Variants in AAK1 observed in about 807,000 individuals in gnomAD.
AAK1 encodes the protein AP2-associated protein kinase 1.
AAK1 carries 37 observed loss-of-function variants against 116.0 expected under a neutral mutation model. That is an observed-to-expected ratio of 0.32 (90% CI 0.25 to 0.42). The LOEUF (loss-of-function observed/expected upper bound fraction) is 0.42. Ranked by LOEUF, AAK1 falls within the 10% of genes least tolerant of loss-of-function variation. The pLI, the probability that AAK1 is intolerant of heterozygous loss-of-function variation, is 1.00. For synonymous variants in AAK1, 458 were observed against 439.9 expected (o/e 1.04, Z -0.51); for missense variants, 919 against 1,170.6 (o/e 0.79, Z 3.14).
chr2:69,567,667 A>T (rs1237384686), intron 2 of AAK1, among the ~76,000 whole-genome samples: 1 of 152,186 alleles, frequency 6.6e-6, no homozygotes, highest in East Asian at 1.9e-4. Flanking sequence ...ACATATATTA[A>T]GAGAACATCC....
At chr2:69,507,100 T>A (rs953114684) in intron 15 of AAK1, among the ~76,000 whole-genome samples, 1 of 152,152 alleles carries the variant, frequency 6.6e-6, no homozygotes, top group Non-Finnish European at 1.5e-5. Context: ...ATCACACTCC[T>A]CCAAGGAGGG....
At chr2:69,604,059 G>A (rs1034899189) in intron 2 of AAK1, among the ~76,000 whole-genome samples, 4 of 152,214 alleles carry the variant, frequency 2.6e-5, no homozygotes, top group Non-Finnish European at 5.9e-5. Flanking sequence ...TAGTTAGAGA[G>A]TCTGATCTCA....
rs906346950 is a variant in AAK1, at chr2:69,469,671, A to G, written c.*6198T>C. 6 of 985,364 alleles carry G rather than the reference A, an allele frequency of 6.1e-6. No individual in the cohort carries two copies. The highest frequency in any genetic ancestry group is 7.2e-6 in the Non-Finnish European group (6 of 829,952). 61.0% of individuals were successfully genotyped at this position (985,364 alleles called of 1,614,324 possible). ...CCCAGGGCCTGGCTTCATAGTCTGC[A>G]CAGGGTCTTACTTATCATAGAGCCT... On this transcript the variant is annotated 3_prime_UTR_variant, in exon 22 of 22. Coordinates refer to ENST00000409085, the MANE Select transcript of AAK1 (RefSeq NM_014911.5).
intron 17 of AAK1, 27 bp from the exon 18 acceptor site, chr2:69,482,839 A>G (rs902430440): frequency 1.4e-6 from 2 of 1,466,324 alleles, no homozygotes; most frequent in Non-Finnish European, 1.9e-6. Context: ...GACAAAAAGA[A>G]AGCAAAAATG....
At chr2:69,488,719 G>C (rs1296989924) in intron 17 of AAK1, among the ~76,000 whole-genome samples, 1 of 152,148 alleles carries the variant, frequency 6.6e-6, no homozygotes, top group African/African-American at 2.4e-5. Context: ...AATGTCTTGG[G>C]TGAGAACAGA....
rs1198737368 is a variant in AAK1, at chr2:69,470,770, A to C, written c.*5099T>G. ...TCTCAGGTAGCCATGATTCATTAAT[A>C]TGTCCTCAGTGTGTAGCTATACTTT... On this transcript the variant is annotated 3_prime_UTR_variant, in exon 22 of 22. Coordinates refer to ENST00000409085, the MANE Select transcript of AAK1 (RefSeq NM_014911.5). 1 of 985,664 alleles carries C rather than the reference A, an allele frequency of 1.0e-6. No individual in the cohort carries two copies. The allele number at this position is 985,664 out of a possible 1,614,324, so 61.1% of individuals were successfully genotyped here. A position where few individuals can be genotyped will look rare whatever the true frequency, so the allele number is the denominator to read the frequency against.
Position 69,509,396 on chromosome 2 carries a change from T to C in AAK1, c.1841A>G (p.Gln614Arg). Residue 614 changes from glutamine (Q) to arginine (R), a missense_variant, in exon 14 of 22, where the codon CAG becomes CGG. Physicochemically the swap from Gln to Arg is conservative, Grantham distance 43 (BLOSUM62 1). This residue lies in a region of AAK1 where 125 missense variants were observed against 184.1 expected (regional missense o/e 0.68). Transcript: ENST00000409085. ...QTTPPPAVQG[Q>R]KVGSLTPPSS... ...GGGTGGAGTGAGAGATCCAACTTTCTGCCCCTGGACGGCAGGAGGTGGGGT... is the reference window on the plus strand; with the variant it reads ...GGGTGGAGTGAGAGATCCAACTTTCCGCCCCTGGACGGCAGGAGGTGGGGT... 1.9e-6 allele frequency: 3 copies of C among 1,614,002 alleles called. No homozygotes were observed. The highest frequency in any genetic ancestry group is 1.7e-6 in the Non-Finnish European group (2 of 1,179,896).
In AAK1 at chr2:69,458,250, C is replaced by G. The variant is rs1674260496; in HGVS notation, c.*17619G>C. ...CTGATGACCTCAATACTCCTTCTGG[C>G]TGGAGAGACCTCCTCATTCAGTCCA... On this transcript the variant is annotated 3_prime_UTR_variant, in exon 22 of 22. Transcript: ENST00000409085. 6.6e-6 allele frequency: 1 copy of G among 152,222 alleles called. No individual in the cohort carries two copies. Among genetic ancestry groups the G allele is most frequent in the East Asian group, 1.9e-4 (1 of 5,204 alleles). The allele number at this position is 152,222 out of a possible 1,614,324, so 9.4% of individuals were successfully genotyped here.
chr2:69,512,805 C>T (rs116352415), intron 13 of AAK1, among the ~76,000 whole-genome samples: 2,094 of 152,332 alleles, frequency 0.014, 20 homozygotes, highest in Non-Finnish European at 0.021. Context: ...AGGGAGTAGA[C>T]ACTTTTGTGT....
At chr2:69,627,276 G>A (rs142136578) in intron 2 of AAK1, among the ~76,000 whole-genome samples, 4,432 of 149,594 alleles carry the variant, frequency 0.03, 228 homozygotes, top group African/African-American at 0.1. Flanking sequence ...GTGACAGAGT[G>A]AGACTCTGTC....
At chr2:69,566,362 T>C (rs897121100) in intron 2 of AAK1, among the ~76,000 whole-genome samples, 15 of 152,088 alleles carry the variant, frequency 9.9e-5, no homozygotes, top group Admixed American at 2.0e-4. Flanking sequence ...CTCTCCTCAC[T>C]TGCCTCAATT....
chr2:69,496,412 T>G (rs942430204), intron 16 of AAK1, among the ~76,000 whole-genome samples: 1 of 151,832 alleles, frequency 6.6e-6, no homozygotes, highest in Non-Finnish European at 1.5e-5. Flanking sequence ...GCCAGGCGCC[T>G]GCCACCACGC....
At chr2:69,488,293 C>T (rs952651055) in intron 17 of AAK1, among the ~76,000 whole-genome samples, 2 of 151,966 alleles carry the variant, frequency 1.3e-5, no homozygotes, top group Admixed American at 6.6e-5. Flanking sequence ...AGGTAACAAA[C>T]ATGCACACGT....
intron 2 of AAK1, among the ~76,000 whole-genome samples, chr2:69,625,603 G>T (rs1289290469): frequency 6.6e-6 from 1 of 152,166 alleles, no homozygotes; most frequent in East Asian, 1.9e-4. Flanking sequence ...ATGTGGTGAG[G>T]TCACTAAACA....
rs1674812464 is a variant in AAK1, at chr2:69,475,322, G to A, written c.*547C>T. On this transcript the variant is annotated 3_prime_UTR_variant, in exon 22 of 22. Coordinates refer to ENST00000409085, the MANE Select transcript of AAK1 (RefSeq NM_014911.5). ...TCAAATATATACTACCAGTCAGTAA[G>A]TTTTACCCTTTCTTAAACCACACAC... 1 of 986,222 alleles carries A rather than the reference G, an allele frequency of 1.0e-6. No homozygotes were observed. Among genetic ancestry groups the A allele is most frequent in the Admixed American group, 6.1e-5 (1 of 16,352 alleles). The allele number at this position is 986,222 out of a possible 1,614,324, so 61.1% of individuals were successfully genotyped here.
chr2:69,481,089 G>A (rs1675072091), intron 18 of AAK1, 128 bp from the exon 19 acceptor site: 4 of 789,484 alleles, frequency 5.1e-6, no homozygotes, highest in Non-Finnish European at 7.7e-6. Context: ...TCTTGCTCCT[G>A]AGCTCAAGCG....
At chr2:69,581,469 A>G (rs1051293883) in intron 2 of AAK1, among the ~76,000 whole-genome samples, 1 of 152,160 alleles carries the variant, frequency 6.6e-6, no homozygotes, top group Non-Finnish European at 1.5e-5. Flanking sequence ...TTTCTGCAAT[A>G]ATATAAGGAT....
chr2:69,640,319 T>G (rs571355631), intron 2 of AAK1, among the ~76,000 whole-genome samples: 66 of 152,118 alleles, frequency 4.3e-4, no homozygotes, highest in African/African-American at 1.5e-3. Context: ...AGCTCGCAGG[T>G]GATAAGTATG....
intron 2 of AAK1, among the ~76,000 whole-genome samples, chr2:69,634,499 C>T (rs964202967): frequency 6.6e-6 from 1 of 152,222 alleles, no homozygotes; most frequent in Non-Finnish European, 1.5e-5. Context: ...CTAAGCATCT[C>T]ATATGTTCTC....
Sources: allele counts gnomAD v4.1 joint callset (sites outside exome capture counted in the v4.1 genomes callset), GRCh38; gene constraint gnomAD v4.1.1; regional missense constraint gnomAD v4.1.1; transcripts MANE v1.5; gene names NCBI Gene and HGNC (gene_info 2026-07-23, HGNC 2026-07-21).